Variants in GPR158 observed in about 807,000 individuals in gnomAD.
GPR158 encodes the protein metabotropic glycine receptor.
A neutral mutation model predicts 78.2 loss-of-function variants in GPR158; 30 were observed. The ratio of observed to expected loss-of-function variants is 0.38; its 90% CI spans 0.29 to 0.52. The LOEUF (loss-of-function observed/expected upper bound fraction) is 0.52, where lower values mean the gene tolerates loss of function less well. Ranked by LOEUF, GPR158 falls within the 20% of genes least tolerant of loss-of-function variation. The pLI is 0.83. For synonymous variants in GPR158, 581 were observed against 591.1 expected, an observed-to-expected ratio of 0.98 and a Z score of 0.25; for missense variants, 1,463 against 1,523.5, an observed-to-expected ratio of 0.96 and a Z score of 0.66.
intron 6 of GPR158, among the ~76,000 whole-genome samples, chr10:25,568,298 G>T (rs1398002339): frequency 6.6e-6 from 1 of 152,194 alleles, no homozygotes; most frequent in East Asian, 1.9e-4. Flanking sequence ...GGTGCAATAT[G>T]TAGTGATAAT....
chr10:25,396,141 C>T (rs544025649), intron 3 of GPR158, 128 bp downstream of exon 3: 2 of 520,350 alleles, frequency 3.8e-6, no homozygotes, highest in African/African-American at 2.0e-5. Flanking sequence ...TCTTTCATCA[C>T]TTAAGGAGTT....
intron 2 of GPR158, among the ~76,000 whole-genome samples, chr10:25,249,197 T>G (rs11014470): frequency 0.12 from 17,872 of 151,828 alleles, 1,253 homozygotes; most frequent in East Asian, 0.3. Flanking sequence ...CTTATCAGCT[T>G]AAGGAGATTT....
intron 2 of GPR158, among the ~76,000 whole-genome samples, chr10:25,319,981 T>C (rs1266374189): frequency 6.6e-6 from 1 of 152,212 alleles, no homozygotes; most frequent in Non-Finnish European, 1.5e-5. Context: ...AAATACCTTA[T>C]TCTTTTTCCT....
chr10:25,572,597 A>C lies in GPR158; in HGVS notation c.1515-52A>C, dbSNP rs571355684. The C allele has an allele frequency of 4.5e-6, 5 of 1,117,310 alleles. No individual in the cohort carries two copies. In the Admixed American group the frequency reaches 8.5e-5, roughly 19 times the overall value. 69.2% of individuals were successfully genotyped at this position (1,117,310 alleles called of 1,614,324 possible). A position where few individuals can be genotyped will look rare whatever the true frequency, so the allele number is the denominator to read the frequency against. On this transcript the variant is annotated intron_variant, in intron 6 of 10. Coordinates refer to ENST00000376351, the MANE Select transcript of GPR158 (RefSeq NM_020752.3). ...TAGAAAAATAAGTTATTTTAGAGTT[A>C]TACTTTCTGAATGTTAGGTTTGCTT... is the stretch of plus-strand genomic sequence containing the variant.
At chr10:25,399,387 G>A (rs1489866014) in intron 3 of GPR158, among the ~76,000 whole-genome samples, 1 of 152,112 alleles carries the variant, frequency 6.6e-6, no homozygotes, top group African/African-American at 2.4e-5. Context: ...GATCAGTGGT[G>A]GCATTAGATT....
chr10:25,597,710 TG>T, intron 10 of GPR158, 61 bp from the exon 11 acceptor site: 3 of 1,331,996 alleles, frequency 2.3e-6, no homozygotes, highest in Non-Finnish European at 2.0e-6. Flanking sequence ...TACCATGTAG[TG>T]ATCTTCTATG....
At position 25,519,494 on chromosome 10, in the gene GPR158, T is replaced by A. The variant is rs1302978809; in HGVS notation, c.1405-31482T>A. Among the ~76,000 whole-genome samples the A allele has an allele frequency of 7.8e-4, 106 of 135,158 alleles. 2 individuals are homozygous for A. The South Asian group carries it at 0.021, about 26-fold the overall frequency. 88.7% of individuals were successfully genotyped at this position (135,158 alleles called of 152,430 possible). ...CGATGGTCTTTACATTTTGGCATGATTTTGCAGCAGCTGGTACCGGTTGTT... is the reference window on the plus strand; with the variant it reads ...CGATGGTCTTTACATTTTGGCATGAATTTGCAGCAGCTGGTACCGGTTGTT... On this transcript the variant is annotated intron_variant, in intron 5 of 10. Coordinates refer to ENST00000376351, the MANE Select transcript of GPR158 (RefSeq NM_020752.3).
At chr10:25,407,042 T>A (rs1203220398) in intron 3 of GPR158, among the ~76,000 whole-genome samples, 1 of 152,168 alleles carries the variant, frequency 6.6e-6, no homozygotes, top group Non-Finnish European at 1.5e-5. Flanking sequence ...TTCAAAATAA[T>A]TTAGAGTTCC....
chr10:25,465,268 G>T (rs1158163797), intron 4 of GPR158, among the ~76,000 whole-genome samples: 1 of 152,162 alleles, frequency 6.6e-6, no homozygotes, highest in African/African-American at 2.4e-5. Flanking sequence ...TGTAATTTCT[G>T]TATACATTTT....
At chr10:25,252,604 G>A (rs28837673) in intron 2 of GPR158, among the ~76,000 whole-genome samples, 30 of 151,712 alleles carry the variant, frequency 2.0e-4, no homozygotes, top group Middle Eastern at 3.4e-3. Flanking sequence ...CTGCTGGGGG[G>A]TGCCTCCCAG....
intron 5 of GPR158, among the ~76,000 whole-genome samples, chr10:25,473,136 C>G (rs1284062972): frequency 6.6e-6 from 1 of 151,764 alleles, no homozygotes; most frequent in African/African-American, 2.4e-5. Context: ...CCCATCAATA[C>G]CTAATTTATT....
chr10:25,346,673 G>A (rs948558966), intron 2 of GPR158, among the ~76,000 whole-genome samples: 1 of 151,926 alleles, frequency 6.6e-6, no homozygotes, highest in Non-Finnish European at 1.5e-5. Flanking sequence ...ATGAAGGCAA[G>A]ATTGAGTTCA....
intron 5 of GPR158, 46 bp downstream of exon 5, chr10:25,466,765 T>G (rs1835429149): frequency 9.5e-7 from 1 of 1,048,652 alleles, no homozygotes; most frequent in African/African-American, 1.6e-5. Flanking sequence ...TATTTTATGT[T>G]GCATACTATA....
At chr10:25,586,314 A>G (rs1180571748) in intron 7 of GPR158, among the ~76,000 whole-genome samples, 3 of 151,616 alleles carry the variant, frequency 2.0e-5, no homozygotes, top group African/African-American at 4.8e-5. Flanking sequence ...GTGCAGTAAG[A>G]TAGTGTTGAA....
chr10:25,388,193 T>C (rs926810344), intron 2 of GPR158, among the ~76,000 whole-genome samples: 2 of 152,180 alleles, frequency 1.3e-5, no homozygotes, highest in Non-Finnish European at 2.9e-5. Context: ...GCAGCTTCCT[T>C]ATTCAGGGGT....
At chr10:25,460,310 T>C (rs1835341514) in intron 4 of GPR158, among the ~76,000 whole-genome samples, 1 of 152,066 alleles carries the variant, frequency 6.6e-6, no homozygotes, top group Non-Finnish European at 1.5e-5. Context: ...CAAGCAATTC[T>C]CCTGCCTCAG....
intron 3 of GPR158, among the ~76,000 whole-genome samples, chr10:25,411,678 A>C (rs1234985967): frequency 6.6e-6 from 1 of 152,048 alleles, no homozygotes; most frequent in Non-Finnish European, 1.5e-5. Flanking sequence ...GCTCACACCT[A>C]TAATCCCAGC....
chr10:25,391,442 C>T (rs1834296127), intron 2 of GPR158, among the ~76,000 whole-genome samples: 1 of 152,176 alleles, frequency 6.6e-6, no homozygotes, highest in Non-Finnish European at 1.5e-5. Context: ...CCATGGGAAC[C>T]CCTTCTTGCA....
intron 2 of GPR158, among the ~76,000 whole-genome samples, chr10:25,283,346 T>G (rs948899634): frequency 6.6e-6 from 1 of 152,080 alleles, no homozygotes; most frequent in Non-Finnish European, 1.5e-5. Context: ...ATTTTCTCTC[T>G]TTAATTCATA....
Sources: allele counts gnomAD v4.1 joint callset (sites outside exome capture counted in the v4.1 genomes callset), GRCh38; gene constraint gnomAD v4.1.1; transcripts MANE v1.5; gene names NCBI Gene and HGNC (gene_info 2026-07-23, HGNC 2026-07-21).